KCNJ3: variants seen among roughly 807,000 people sequenced by gnomAD.
KCNJ3 encodes the protein potassium inwardly rectifying channel subfamily J member 3.
Under a neutral mutation model 39.2 loss-of-function variants are expected in KCNJ3, and 4 were observed. That is an observed-to-expected ratio of 0.10 (90% CI 0.05 to 0.23). The LOEUF is 0.23. Among genes scored for constraint, KCNJ3 ranks in the 10% least tolerant of loss-of-function variants. The pLI is 1.00. For synonymous variants in KCNJ3, 230 were observed against 237.4 expected (o/e 0.97, Z 0.29); for missense variants, 276 against 634.9 (o/e 0.43, Z 6.08).
rs1281563135 is a variant in KCNJ3, at chr2:154,699,409, A to C, written c.634A>C (p.Met212Leu). The C allele has an allele frequency of 6.2e-7, 1 of 1,606,388 alleles. No individual in the cohort carries two copies. The highest frequency in any genetic ancestry group is 8.5e-7 in the Non-Finnish European group (1 of 1,179,984). Residue 212 changes from methionine to leucine, a missense_variant, in exon 1 of 3, where the codon ATG becomes CTG. Met to Leu is a conservative substitution (Grantham distance 15, BLOSUM62 2). This residue lies in a region of KCNJ3 where 77 missense variants were observed against 200.0 expected (regional missense o/e 0.38). Coordinates refer to ENST00000295101, the MANE Select transcript of KCNJ3 (RefSeq NM_002239.4). This position sits in a 1 kb window ranked among gnomAD's most constrained non-coding sequence, Gnocchi z 6.4. ...CATGAGGGACGGAAAACTCACGCTT[A>C]TGTTCCGGGTGGGCAACCTGCGCAA... Reference protein sequence around the residue: ...ISMRDGKLTLMFRVGNLRNSH... With the variant: ...ISMRDGKLTLLFRVGNLRNSH...
Position 154,856,277 on chromosome 2 carries a change from A to AAGTT in KCNJ3, c.*966_*969dup. ...TGAATCATGTTAATAGACAGTAGCC[A>AAGTT]AGTTATATTGAATATATCAGAATCT... On this transcript the variant is annotated 3_prime_UTR_variant, in exon 3 of 3. Transcript: ENST00000295101. 1 of 152,712 alleles carries AAGTT rather than the reference A, an allele frequency of 6.5e-6. No individual in the cohort carries two copies. Among genetic ancestry groups the AAGTT allele is most frequent in the South Asian group, 2.1e-4 (1 of 4,824 alleles). The allele number at this position is 152,712 out of a possible 1,614,324, so 9.5% of individuals were successfully genotyped here.
At chr2:154,845,956 C>A (rs1037849671) in intron 2 of KCNJ3, among the ~76,000 whole-genome samples, 1 of 144,184 alleles carries the variant, frequency 6.9e-6, no homozygotes, top group Non-Finnish European at 1.5e-5. Flanking sequence ...GGCGTCACAG[C>A]GAGACTCTGT....
intron 2 of KCNJ3, among the ~76,000 whole-genome samples, chr2:154,763,428 T>C (rs550688013): frequency 6.6e-5 from 10 of 152,094 alleles, no homozygotes; most frequent in African/African-American, 2.4e-4. Context: ...GCTTCTTTTT[T>C]TTTTTCCTGC....
intron 2 of KCNJ3, among the ~76,000 whole-genome samples, chr2:154,797,111 A>G (rs368168492): frequency 1.3e-5 from 2 of 152,260 alleles, no homozygotes; most frequent in East Asian, 1.9e-4. Flanking sequence ...CATGCCATTG[A>G]GCGTTTACTG....
rs762930583 is a variant in KCNJ3, at chr2:154,699,207, C to T, written c.432C>T (p.Ile144=). 8 of 1,613,998 alleles carry T rather than the reference C, an allele frequency of 5.0e-6. No homozygotes were observed. Among genetic ancestry groups the T allele is most frequent in the Non-Finnish European group, 6.8e-6 (8 of 1,180,056 alleles). ...FLFFIETEAT[I]GYGYRYITDK... The stretch of plus-strand genomic sequence containing the variant: ...TCTTCATCGAGACGGAGGCCACCAT[C>T]GGCTATGGCTACCGATACATCACAG... Residue 144 remains isoleucine (I), a synonymous_variant, in exon 1 of 3, where the codon ATC becomes ATT. Coordinates refer to ENST00000295101, the MANE Select transcript of KCNJ3 (RefSeq NM_002239.4). The surrounding 1 kb of genome is among the most constrained non-coding windows in gnomAD (Gnocchi z 6.4).
At chr2:154,772,613 T>C (rs1055305361) in intron 2 of KCNJ3, among the ~76,000 whole-genome samples, 5 of 152,156 alleles carry the variant, frequency 3.3e-5, no homozygotes, top group African/African-American at 1.2e-4. Context: ...CATTTTACTT[T>C]CCCTCAAATT....
chr2:154,755,176 T>G (rs1232304276), intron 2 of KCNJ3, among the ~76,000 whole-genome samples: 1 of 152,094 alleles, frequency 6.6e-6, no homozygotes, highest in East Asian at 1.9e-4. Context: ...TTTAAAGTTT[T>G]TCAGAGAATA....
intron 2 of KCNJ3, among the ~76,000 whole-genome samples, chr2:154,852,868 G>A (rs973527592): frequency 2.6e-5 from 4 of 151,882 alleles, no homozygotes; most frequent in African/African-American, 7.2e-5. Context: ...TTATAAACAC[G>A]GATATCTGAT....
chr2:154,699,529 G>A lies in KCNJ3; in HGVS notation c.702+52G>A. On this transcript the variant is annotated intron_variant, in intron 1 of 2. Coordinates refer to ENST00000295101, the MANE Select transcript of KCNJ3 (RefSeq NM_002239.4). The surrounding 1 kb of genome is among the most constrained non-coding windows in gnomAD (Gnocchi z 6.4). ...CGGGAGACCTGCGTCCCCCAAACCC[G>A]CGGAGTAACTCGTCTGAGAACCAGC... The A allele has an allele frequency of 6.6e-7, 1 of 1,504,674 alleles. No individual in the cohort carries two copies. Among genetic ancestry groups the A allele is most frequent in the Non-Finnish European group, 8.9e-7 (1 of 1,129,156 alleles). 93.2% of individuals were successfully genotyped at this position (1,504,674 alleles called of 1,614,324 possible). A position where few individuals can be genotyped will look rare whatever the true frequency, so the allele number is the denominator to read the frequency against.
At chr2:154,782,469 G>T (rs1047573070) in intron 2 of KCNJ3, among the ~76,000 whole-genome samples, 1 of 152,058 alleles carries the variant, frequency 6.6e-6, no homozygotes, top group Admixed American at 6.6e-5. Context: ...ATTTAAAGTT[G>T]TCATGATACA....
intron 2 of KCNJ3, among the ~76,000 whole-genome samples, chr2:154,745,203 A>G (rs949227505): frequency 2.2e-4 from 34 of 151,922 alleles, no homozygotes; most frequent in Admixed American, 7.2e-4. Flanking sequence ...TTTGATGTTA[A>G]TTGGTGGAAT....
intron 2 of KCNJ3, among the ~76,000 whole-genome samples, chr2:154,747,327 A>T (rs1685765413): frequency 6.6e-6 from 1 of 152,064 alleles, no homozygotes; most frequent in South Asian, 2.1e-4. Context: ...GTTGTAAGAG[A>T]TAAGATTAAA....
intron 2 of KCNJ3, among the ~76,000 whole-genome samples, chr2:154,738,974 G>A (rs770492864): frequency 4.6e-5 from 7 of 151,944 alleles, no homozygotes; most frequent in Non-Finnish European, 1.0e-4. Context: ...CCCACCCAAA[G>A]TTCTTACTTT....
chr2:154,787,541 G>A (rs2105207923), intron 2 of KCNJ3, among the ~76,000 whole-genome samples: 1 of 152,080 alleles, frequency 6.6e-6, no homozygotes, highest in South Asian at 2.1e-4. Flanking sequence ...ACTATTCCCA[G>A]CAATGCAGAT....
Position 154,699,418 on chromosome 2 carries a change from G to T in KCNJ3, c.643G>T (p.Val215Leu). The change falls in exon 1 of 3, where the codon GTG becomes TTG. Residue 215 changes from valine to leucine, a missense_variant. Transcript: ENST00000295101. This position sits in a 1 kb window ranked among gnomAD's most constrained non-coding sequence, Gnocchi z 6.4. ...CGGAAAACTCACGCTTATGTTCCGG[G>T]TGGGCAACCTGCGCAACAGCCACAT... ...RDGKLTLMFRVGNLRNSHMVS... is the reference protein window; with the variant it reads ...RDGKLTLMFRLGNLRNSHMVS... 1 of 1,604,646 alleles carries T rather than the reference G, an allele frequency of 6.2e-7. No homozygotes were observed. Among genetic ancestry groups the T allele is most frequent in the Non-Finnish European group, 8.5e-7 (1 of 1,179,950 alleles).
intron 2 of KCNJ3, among the ~76,000 whole-genome samples, chr2:154,824,698 A>AT (rs1373710734): frequency 6.6e-6 from 1 of 152,190 alleles, no homozygotes; most frequent in Non-Finnish European, 1.5e-5. Flanking sequence ...AACAGTGTTT[A>AT]TTTTTTAATT....
chr2:154,719,165 G>A (rs1685227932), intron 2 of KCNJ3, among the ~76,000 whole-genome samples: 1 of 152,064 alleles, frequency 6.6e-6, no homozygotes, highest in African/African-American at 2.4e-5. Flanking sequence ...GACGTTTGTG[G>A]TCCAGGAAAT....
intron 2 of KCNJ3, among the ~76,000 whole-genome samples, chr2:154,737,744 G>A (rs1204708328): frequency 6.6e-6 from 1 of 152,126 alleles, no homozygotes; most frequent in Non-Finnish European, 1.5e-5. Flanking sequence ...ACATGGTAAT[G>A]GAGACTATTC....
At chr2:154,735,616 T>C (rs1685517413) in intron 2 of KCNJ3, among the ~76,000 whole-genome samples, 1 of 152,212 alleles carries the variant, frequency 6.6e-6, no homozygotes, top group South Asian at 2.1e-4. Context: ...TTATTGATGT[T>C]AGTACAAAAC....
Sources: gnomAD v4.1 joint callset for allele counts (sites outside exome capture counted in the v4.1 genomes callset) on GRCh38, gnomAD v4.1.1 for gene constraint, gnomAD v4.1.1 regional missense constraint, Gnocchi (gnomAD v3.1) non-coding constraint, MANE v1.5 for transcripts, NCBI Gene and HGNC (gene_info 2026-07-23, HGNC 2026-07-21) for gene names.